The following CAPN13 variants were observed in gnomAD, a reference collection of about 807,000 sequenced individuals.
CAPN13 encodes calpain-13.
Under a neutral mutation model 98.4 loss-of-function variants are expected in CAPN13, and 90 were observed. The observed-to-expected ratio is 0.92, with a 90% CI of 0.77 to 1.09. CAPN13 has a LOEUF of 1.09. Among genes scored for constraint, CAPN13 ranks in the 50% least tolerant of loss-of-function variants. CAPN13 has a pLI of 0.00. For synonymous variants in CAPN13, 330 were observed against 305.5 expected (o/e 1.08, Z -0.84); for missense variants, 887 against 841.3 (o/e 1.05, Z -0.67).
intron 9 of CAPN13, among the ~76,000 whole-genome samples, chr2:30,753,464 C>T (rs1258590327): frequency 1.3e-5 from 2 of 152,174 alleles, no homozygotes; most frequent in East Asian, 1.9e-4. Context: ...CCCATTGATC[C>T]GATGGTGAGC....
intron 14 of CAPN13, 23 bp from the exon 15 acceptor site, chr2:30,741,987 A>G (rs1176845148): frequency 6.2e-7 from 1 of 1,608,700 alleles, no homozygotes; most frequent in Admixed American, 1.7e-5. Flanking sequence ...GAAAATAGTC[A>G]ATGTTAGACT....
intron 22 of CAPN13, among the ~76,000 whole-genome samples, chr2:30,730,348 C>T (rs1300148884): frequency 6.6e-6 from 1 of 152,204 alleles, no homozygotes; most frequent in Admixed American, 6.5e-5. Flanking sequence ...GGCTAGAGCC[C>T]GCTCTTCTCT....
At chr2:30,741,476 G>T in intron 15 of CAPN13, 1 of 1,013,764 alleles carries the variant, frequency 9.9e-7, no homozygotes, top group Non-Finnish European at 1.2e-6. Context: ...AGGAAATCCT[G>T]TGTGCACATA....
At chr2:30,727,403 G>A (rs557324374) in intron 22 of CAPN13, among the ~76,000 whole-genome samples, 1 of 152,242 alleles carries the variant, frequency 6.6e-6, no homozygotes, top group South Asian at 2.1e-4. Flanking sequence ...GAAAAATTTT[G>A]CAAATCACAT....
chr2:30,739,928 G>A (rs577474551), intron 15 of CAPN13, among the ~76,000 whole-genome samples: 23 of 152,296 alleles, frequency 1.5e-4, no homozygotes, highest in African/African-American at 5.5e-4. Flanking sequence ...ATGTCCGGAT[G>A]ATGGGTAAAT....
At chr2:30,803,549 C>G (rs1675421482) in intron 1 of CAPN13, among the ~76,000 whole-genome samples, 1 of 152,162 alleles carries the variant, frequency 6.6e-6, no homozygotes, top group South Asian at 2.1e-4. Context: ...TTAAAGGTCC[C>G]TTGGGACTTA....
At chr2:30,770,696 T>A (rs1673359488) in intron 4 of CAPN13, among the ~76,000 whole-genome samples, 1 of 152,252 alleles carries the variant, frequency 6.6e-6, no homozygotes, top group Non-Finnish European at 1.5e-5. Flanking sequence ...AGACTTGGGT[T>A]CTAGCTTCAC....
intron 7 of CAPN13, among the ~76,000 whole-genome samples, chr2:30,762,692 G>T (rs1672907350): frequency 6.6e-6 from 1 of 152,226 alleles, no homozygotes; most frequent in African/African-American, 2.4e-5. Context: ...ATATTTTGGA[G>T]TGTCTTTGTT....
At chr2:30,781,464 A>G (rs1022923885) in intron 2 of CAPN13, among the ~76,000 whole-genome samples, 14 of 152,208 alleles carry the variant, frequency 9.2e-5, no homozygotes, top group African/African-American at 3.4e-4. Context: ...GTGCTTCCAC[A>G]TGACTTTAAC....
intron 17 of CAPN13, chr2:30,737,274 TCAAA>T (rs897544555): frequency 1.4e-4 from 21 of 152,432 alleles, no homozygotes; most frequent in African/African-American, 5.1e-4. Flanking sequence ...TATGATTTCA[TCAAA>T]AAAGCCCTCT....
At chr2:30,780,743 C>T (rs180941448) in intron 2 of CAPN13, among the ~76,000 whole-genome samples, 29 of 152,258 alleles carry the variant, frequency 1.9e-4, no homozygotes, top group Admixed American at 1.5e-3. Context: ...TTGTTCCTTC[C>T]GGACTCTGGA....
intron 15 of CAPN13, among the ~76,000 whole-genome samples, chr2:30,740,149 C>T (rs1005387046): frequency 7.3e-5 from 10 of 136,392 alleles, no homozygotes; most frequent in East Asian, 4.5e-4. Context: ...GGCTGCAGTG[C>T]AATGGCACGA....
chr2:30,759,606 C>T (rs75440612), intron 7 of CAPN13, among the ~76,000 whole-genome samples: 1 of 152,144 alleles, frequency 6.6e-6, no homozygotes, highest in South Asian at 2.1e-4. Context: ...GAAGACAAGC[C>T]GCAGGTGGAC....
At chr2:30,758,880 A>T (rs1572830009) in intron 7 of CAPN13, among the ~76,000 whole-genome samples, 2 of 102,790 alleles carry the variant, frequency 1.9e-5, no homozygotes, top group Non-Finnish European at 3.8e-5. Flanking sequence ...GTCCCTTCCT[A>T]CCCTCCTTTC....
intron 1 of CAPN13, among the ~76,000 whole-genome samples, chr2:30,807,018 G>A (rs1386614861): frequency 2.0e-5 from 3 of 152,148 alleles, no homozygotes; most frequent in African/African-American, 4.8e-5. Flanking sequence ...AGAAATCGAA[G>A]GTGACAGAAT....
At chr2:30,770,694 G>A (rs1443864193) in intron 4 of CAPN13, among the ~76,000 whole-genome samples, 1 of 152,204 alleles carries the variant, frequency 6.6e-6, no homozygotes, top group Non-Finnish European at 1.5e-5. Flanking sequence ...GCAGACTTGG[G>A]TTCTAGCTTC....
chr2:30,779,355 T>A (rs4952181), intron 2 of CAPN13, among the ~76,000 whole-genome samples: 92,297 of 152,066 alleles, frequency 0.61, 28,890 homozygotes, highest in South Asian at 0.77. Flanking sequence ...ATGTGTAAAA[T>A]GGAACAATAA....
intron 4 of CAPN13, among the ~76,000 whole-genome samples, chr2:30,771,761 C>T (rs145893085): frequency 2.6e-5 from 4 of 152,364 alleles, no homozygotes; most frequent in African/African-American, 9.6e-5. Flanking sequence ...CTGGTCTTGC[C>T]TCTTATTACT....
chr2:30,796,460 CTG>C (rs1439793784), intron 1 of CAPN13, among the ~76,000 whole-genome samples: 1 of 151,890 alleles, frequency 6.6e-6, no homozygotes, highest in Non-Finnish European at 1.5e-5. Flanking sequence ...AATCATTGCA[CTG>C]TAATAGTCAC....
Sources: gnomAD v4.1 joint callset for allele counts (sites outside exome capture counted in the v4.1 genomes callset) on GRCh38, gnomAD v4.1.1 for gene constraint, MANE v1.5 for transcripts, NCBI Gene and HGNC (gene_info 2026-07-23, HGNC 2026-07-21) for gene names.